PCDHGB4: variants seen among roughly 807,000 people sequenced by gnomAD.
PCDHGB4 encodes the protein protocadherin gamma-B4.
In PCDHGB4, 38 loss-of-function variants were observed where a neutral mutation model predicts 60.5. That is an observed-to-expected ratio of 0.63 (90% CI 0.48 to 0.82). PCDHGB4 has a LOEUF of 0.82. PCDHGB4 is among the 40% of genes least tolerant of loss of function. PCDHGB4 has a pLI of 0.00. For synonymous variants in PCDHGB4, 456 were observed against 509.7 expected (o/e 0.89, Z 1.42); for missense variants, 1,109 against 1,209.6 (o/e 0.92, Z 1.23).
chr5:141,485,003 A>G lies in PCDHGB4; in HGVS notation c.2398-9804A>G. On this transcript the variant is annotated intron_variant, in intron 1 of 3. Coordinates refer to ENST00000519479, the MANE Select transcript of PCDHGB4 (RefSeq NM_003736.4). The surrounding 1 kb of genome is among the most constrained non-coding windows in gnomAD (Gnocchi z 5.7). ...CAATCGGGTGGTGAAAGGCAGACAA[A>G]TCTACCCCGCCACCAGCAAAAACGG... 1 of 620,758 alleles carries G rather than the reference A, an allele frequency of 1.6e-6. No homozygotes were observed. The highest frequency in any genetic ancestry group is 2.0e-5 in the South Asian group (1 of 50,492). The allele number at this position is 620,758 out of a possible 1,614,324, so 38.5% of individuals were successfully genotyped here.
At chr5:141,419,723 C>A in intron 1 of PCDHGB4, 6 of 1,613,292 alleles carry the variant, frequency 3.7e-6, no homozygotes, top group Non-Finnish European at 5.1e-6. Flanking sequence ...CCTGGGGCTG[C>A]GAACAGGCGA....
At chr5:141,470,242 T>C (rs1301513342) in intron 1 of PCDHGB4, among the ~76,000 whole-genome samples, 1 of 152,344 alleles carries the variant, frequency 6.6e-6, no homozygotes, top group South Asian at 2.1e-4. Flanking sequence ...CCCTTGAATG[T>C]CCCACCTGTC....
At chr5:141,479,090 T>G (rs1424205731) in intron 1 of PCDHGB4, among the ~76,000 whole-genome samples, 2 of 152,244 alleles carry the variant, frequency 1.3e-5, no homozygotes, top group Non-Finnish European at 2.9e-5. Flanking sequence ...CCAGGCATCC[T>G]TTAAATTTTA....
intron 1 of PCDHGB4, chr5:141,400,071 GC>G: frequency 6.2e-7 from 1 of 1,613,942 alleles, no homozygotes; most frequent in Non-Finnish European, 8.5e-7. Flanking sequence ...GTGGACAGCC[GC>G]CACTCTCCGC....
rs2093886414 is a variant in PCDHGB4 at position 141,399,784 on chromosome 5, G to C, written c.2397+9503G>C. On this transcript the variant is annotated intron_variant, in intron 1 of 3. Transcript: ENST00000519479. ...GCGCGTGTTGGTGGGCGACCGAAAC[G>C]ACAACGCACCGCGGGTGCTGTACCC... The C allele has an allele frequency of 2.5e-6, 4 of 1,613,288 alleles. No homozygotes were observed. The East Asian group carries it at 6.7e-5, about 27-fold the overall frequency.
In PCDHGB4 at chr5:141,431,878, C is replaced by T. The variant is rs2097425306; in HGVS notation, c.2397+41597C>T. The T allele has an allele frequency of 1.2e-6, 2 of 1,614,054 alleles. No individual in the cohort carries two copies. The highest frequency in any genetic ancestry group is 1.7e-5 in the Admixed American group (1 of 60,010). ...TAATTGCCCTTTTAAATGTAAATGACCAAGATTCTGAGGAAAACGGACAGG... is the reference window on the plus strand; with the variant it reads ...TAATTGCCCTTTTAAATGTAAATGATCAAGATTCTGAGGAAAACGGACAGG... On this transcript the variant is annotated intron_variant, in intron 1 of 3. Transcript: ENST00000519479. The surrounding 1 kb of genome is among the most constrained non-coding windows in gnomAD (Gnocchi z 4.8).
rs1380763543 is a variant in PCDHGB4 at position 141,389,784 on chromosome 5, G to C, written c.1900G>C (p.Asp634His). The change falls in exon 1 of 4, where the codon GAC becomes CAC. Residue 634 changes from aspartate (D) to histidine (H), a missense_variant. This residue lies in a region of PCDHGB4 where 1,068 missense variants were observed against 1,089.9 expected (regional missense o/e 0.98). Transcript: ENST00000519479. ...VRTARALGDR[D>H]AVRQRLLVAV... ...CACAGCGCGTGCCTTAGGCGACAGG[G>C]ACGCCGTCCGCCAGCGCCTTCTGGT... 2 of 1,613,318 alleles carry C rather than the reference G, an allele frequency of 1.2e-6. No individual in the cohort carries two copies. Among genetic ancestry groups the C allele is most frequent in the South Asian group, 2.2e-5 (2 of 91,040 alleles).
At chr5:141,398,643 C>T (rs746159571) in intron 1 of PCDHGB4, 1 of 1,614,024 alleles carries the variant, frequency 6.2e-7, no homozygotes, top group Admixed American at 1.7e-5. Context: ...AGTATAAACT[C>T]TCTCTTAACC....
chr5:141,461,040 G>A (rs536064886), intron 1 of PCDHGB4, among the ~76,000 whole-genome samples: 123 of 150,514 alleles, frequency 8.2e-4, no homozygotes, highest in East Asian at 2.5e-3. Flanking sequence ...CTCATTAGTC[G>A]ATGGGGACTT....
At chr5:141,393,248 C>T (rs1242966092) in intron 1 of PCDHGB4, 2 of 1,613,798 alleles carry the variant, frequency 1.2e-6, no homozygotes, top group Middle Eastern at 1.7e-4. Context: ...TTAACGAAAT[C>T]GCGGTTCCTG....
At chr5:141,482,089 CAA>C (rs36035257) in intron 1 of PCDHGB4, among the ~76,000 whole-genome samples, 9,071 of 134,384 alleles carry the variant, frequency 0.068, 318 homozygotes, top group South Asian at 0.13. Context: ...CACTCCATCT[CAA>C]AAAAAAAAAA....
chr5:141,492,719 C>A (rs1367632029), intron 1 of PCDHGB4, among the ~76,000 whole-genome samples: 1 of 152,280 alleles, frequency 6.6e-6, no homozygotes, highest in Non-Finnish European at 1.5e-5. Context: ...AGCAGGCGGA[C>A]AGGCAGAGCT....
intron 1 of PCDHGB4, among the ~76,000 whole-genome samples, chr5:141,455,904 TTTATTTA>T: frequency 6.8e-6 from 1 of 147,982 alleles, no homozygotes. Flanking sequence ...TATTTATTTA[TTTATTTA>T]TTTTGAGACG....
At position 141,485,225 on chromosome 5, in the gene PCDHGB4, T is replaced by C; in HGVS notation, c.2398-9582T>C. The C allele has an allele frequency of 1.2e-6, 2 of 1,614,156 alleles. No homozygotes were observed. Among genetic ancestry groups the C allele is most frequent in the Non-Finnish European group, 1.7e-6 (2 of 1,180,010 alleles). On this transcript the variant is annotated intron_variant, in intron 1 of 3. Coordinates refer to ENST00000519479, the MANE Select transcript of PCDHGB4 (RefSeq NM_003736.4). The surrounding 1 kb of genome is among the most constrained non-coding windows in gnomAD (Gnocchi z 5.7). Reference sequence around the variant, plus strand: ...AGAAATCTGGCGGTGGGCTACCCTTTTGTTCCTCTTTTACCACCTGGGTTA... The same window carrying C: ...AGAAATCTGGCGGTGGGCTACCCTTCTGTTCCTCTTTTACCACCTGGGTTA...
Position 141,487,682 on chromosome 5 carries a change from G to A in PCDHGB4, c.2398-7125G>A, listed in dbSNP as rs757434520. On this transcript the variant is annotated intron_variant, in intron 1 of 3. Transcript: ENST00000519479. This position sits in a 1 kb window ranked among gnomAD's most constrained non-coding sequence, Gnocchi z 5.0. ...TGATCCAGGCATATGGCTAGGCCATGTCCTAGAGAGTACTGGCCTCTCAGT... is the reference window on the plus strand; with the variant it reads ...TGATCCAGGCATATGGCTAGGCCATATCCTAGAGAGTACTGGCCTCTCAGT... The A allele has an allele frequency of 1.2e-6, 2 of 1,607,256 alleles. No individual in the cohort carries two copies. Among genetic ancestry groups the A allele is most frequent in the East Asian group, 4.5e-5 (2 of 44,762 alleles).
In PCDHGB4 at chr5:141,388,667, G is replaced by A. The variant is rs1561620639; in HGVS notation, c.783G>A (p.Val261=). Residue 261 remains valine (V), a synonymous_variant, in exon 1 of 4, where the codon GTG becomes GTA. Transcript: ENST00000519479. ...AAAACGTGTACCCGGGGACCACGGT[G>A]CTACAGGTGACTGCCACGGACCAGG... ...LSENVYPGTT[V]LQVTATDQDE... 1.2e-6 allele frequency: 2 copies of A among 1,613,918 alleles called. No homozygotes were observed. The highest frequency in any genetic ancestry group is 8.5e-7 in the Non-Finnish European group (1 of 1,179,824).
intron 1 of PCDHGB4, chr5:141,395,537 ATTGT>A (rs1179408656): frequency 3.7e-5 from 9 of 243,938 alleles, no homozygotes; most frequent in Admixed American, 8.6e-5. Context: ...TAATTTTGCT[ATTGT>A]TTGTGTGTGT....
intron 1 of PCDHGB4, among the ~76,000 whole-genome samples, chr5:141,468,198 G>A (rs992118435): frequency 9.2e-5 from 14 of 151,854 alleles, no homozygotes; most frequent in Admixed American, 7.2e-4. Context: ...GGTGGCGGGT[G>A]CCTGTAATTC....
chr5:141,440,959 G>A (rs1313315196), intron 1 of PCDHGB4: 1 of 152,216 alleles, frequency 6.6e-6, no homozygotes, highest in Non-Finnish European at 1.5e-5. Flanking sequence ...TCAAGGCAGA[G>A]ATCACATATG....
Sources: allele counts gnomAD v4.1 joint callset (sites outside exome capture counted in the v4.1 genomes callset), GRCh38; gene constraint gnomAD v4.1.1; regional missense constraint gnomAD v4.1.1; non-coding constraint Gnocchi (gnomAD v3.1); transcripts MANE v1.5; gene names NCBI Gene and HGNC (gene_info 2026-07-23, HGNC 2026-07-21).